MYO18B: variants seen among roughly 807,000 people sequenced by gnomAD.
MYO18B encodes the protein myosin XVIIIB, also known as unconventional myosin-XVIIIb.
Under a neutral mutation model 273.0 loss-of-function variants are expected in MYO18B, and 204 were observed. That is an observed-to-expected ratio of 0.75 (90% CI 0.67 to 0.84). MYO18B has a LOEUF of 0.84. Ranked by LOEUF, MYO18B falls within the 40% of genes least tolerant of loss-of-function variation. The pLI, the probability that MYO18B is intolerant of heterozygous loss-of-function variation, is 0.00. For missense variants in MYO18B, 3,212 were observed against 3,287.6 expected (o/e 0.98, Z 0.56); for synonymous variants, 1,330 against 1,305.7 (o/e 1.02, Z -0.40).
chr22:25,919,783 C>T (rs80051947), intron 33 of MYO18B, among the ~76,000 whole-genome samples: 3,183 of 152,028 alleles, frequency 0.021, 111 homozygotes, highest in African/African-American at 0.071. Flanking sequence ...AGAACCAACT[C>T]GTTTTTCAAA....
intron 42 of MYO18B, among the ~76,000 whole-genome samples, chr22:26,016,632 A>G (rs1278248499): frequency 6.6e-6 from 1 of 152,164 alleles, no homozygotes; most frequent in African/African-American, 2.4e-5. Flanking sequence ...ACAATCCCCC[A>G]TCTTTCTGTT....
Position 25,755,425 on chromosome 22 carries a change from T to G in MYO18B, c.-109-5559T>G, listed in dbSNP as rs1271217453. 3.3e-5 allele frequency among the ~76,000 whole-genome samples: 5 copies of G among 152,192 alleles called. No homozygotes were observed. The East Asian group carries it at 9.6e-4, about 29-fold the overall frequency. ...TTCTCCATGTTGGTCAGTCTGGTCT[T>G]GAACTCCTGACCTCAGGTGATCCGC... On this transcript the variant is annotated intron_variant, in intron 1 of 43. Transcript: ENST00000335473.
the MYO18B span, among the ~76,000 whole-genome samples, chr22:26,061,026 C>CAA: frequency 1.3e-5 from 2 of 150,382 alleles, no homozygotes; most frequent in African/African-American, 4.9e-5. Context: ...CACACACACA[C>CAA]AATTCAGTCA....
At chr22:25,937,298 G>A (rs751319475) in intron 34 of MYO18B, among the ~76,000 whole-genome samples, 13 of 152,048 alleles carry the variant, frequency 8.5e-5, no homozygotes, top group Non-Finnish European at 1.6e-4. Flanking sequence ...TGCCCAGGCT[G>A]ATCTCAAACT....
intron 1 of MYO18B, among the ~76,000 whole-genome samples, chr22:25,758,317 GT>G (rs133870): frequency 0.02 from 2,749 of 140,898 alleles, 21 homozygotes; most frequent in East Asian, 0.026. Context: ...TGGCAGGAAA[GT>G]TTTTTTTTTT....
intron 39 of MYO18B, among the ~76,000 whole-genome samples, chr22:25,969,614 A>G (rs1250504618): frequency 1.3e-5 from 2 of 152,212 alleles, no homozygotes; most frequent in African/African-American, 4.8e-5. Context: ...AGAAAAAAAA[A>G]TCACTTACCT....
At chr22:25,996,177 C>T (rs561006102) in intron 40 of MYO18B, among the ~76,000 whole-genome samples, 7 of 152,280 alleles carry the variant, frequency 4.6e-5, no homozygotes, top group East Asian at 1.9e-4. Flanking sequence ...TCTGAGCCTC[C>T]GTCTCTTTGA....
At chr22:25,943,312 C>T (rs148491577) in intron 34 of MYO18B, among the ~76,000 whole-genome samples, 42 of 152,288 alleles carry the variant, frequency 2.8e-4, no homozygotes, top group African/African-American at 8.7e-4. Context: ...CCTTCCACCC[C>T]GGCTGGAGCA....
intron 33 of MYO18B, among the ~76,000 whole-genome samples, chr22:25,914,669 TAAG>T (rs991735563): frequency 7.6e-6 from 1 of 132,398 alleles, no homozygotes; most frequent in African/African-American, 2.8e-5. Flanking sequence ...CATTTGAAAA[TAAG>T]AATAGTTTTG....
At chr22:25,830,781 A>G (rs12166240) in intron 15 of MYO18B, among the ~76,000 whole-genome samples, 40,437 of 152,114 alleles carry the variant, frequency 0.27, 6,579 homozygotes, top group Non-Finnish European at 0.35. Context: ...AACAGGCTCC[A>G]CTTCTTGATG....
intron 1 of MYO18B, among the ~76,000 whole-genome samples, chr22:25,759,497 C>T (rs1214191997): frequency 6.6e-6 from 1 of 151,268 alleles, no homozygotes; most frequent in Non-Finnish European, 1.5e-5. Context: ...GGGAGGGGAA[C>T]ATCACACACT....
intron 11 of MYO18B, among the ~76,000 whole-genome samples, chr22:25,795,295 C>G (rs994153852): frequency 6.6e-6 from 1 of 152,180 alleles, no homozygotes; most frequent in African/African-American, 2.4e-5. Context: ...AATTGGCTCT[C>G]TGGAAATTTA....
In MYO18B at chr22:25,902,746, G is replaced by A. The variant is rs746169859; in HGVS notation, c.4947+10G>A. The A allele has an allele frequency of 1.3e-6, 2 of 1,572,390 alleles. No individual in the cohort carries two copies. The highest frequency in any genetic ancestry group is 8.6e-7 in the Non-Finnish European group (1 of 1,158,108). Reference sequence around the variant, plus strand: ...TCAGCAGCAGCTGAAGGTAAGGGATGGGGGACACAGAGCTATCTTGGCTCT... The same window carrying A: ...TCAGCAGCAGCTGAAGGTAAGGGATAGGGGACACAGAGCTATCTTGGCTCT... On this transcript the variant is annotated intron_variant, in intron 30 of 43. Coordinates refer to ENST00000335473, the MANE Select transcript of MYO18B (RefSeq NM_032608.7).
rs555461086 is a variant in MYO18B at position 25,744,935 on chromosome 22, TG to T, written c.-110+2645del. 5.4e-3 allele frequency among the ~76,000 whole-genome samples: 818 copies of T among 152,016 alleles called. 5 individuals carry two copies. Among genetic ancestry groups the T allele is most frequent in the Non-Finnish European group, 9.5e-3 (647 of 67,974 alleles). On this transcript the variant is annotated intron_variant, in intron 1 of 43. Coordinates refer to ENST00000335473, the MANE Select transcript of MYO18B (RefSeq NM_032608.7). Reference sequence around the variant, plus strand: ...ACACACAGCCCTGCAGCAAGAGCATTGGGCCAAGATCAGCCCCTGCTGTCAC... The same window carrying T: ...ACACACAGCCCTGCAGCAAGAGCATTGGCCAAGATCAGCCCCTGCTGTCAC...
At chr22:25,875,507 C>CT (rs967541420) in intron 23 of MYO18B, among the ~76,000 whole-genome samples, 13 of 136,338 alleles carry the variant, frequency 9.5e-5, no homozygotes, top group Admixed American at 6.9e-4. Context: ...TGTTCTGGTC[C>CT]CCCCCCCAGT....
At chr22:25,856,373 G>A (rs1225752621) in intron 21 of MYO18B, among the ~76,000 whole-genome samples, 3 of 152,280 alleles carry the variant, frequency 2.0e-5, no homozygotes, top group South Asian at 4.1e-4. Context: ...AGTGCAGTTC[G>A]TTACAGGACA....
chr22:25,863,332 A>G lies in MYO18B; in HGVS notation c.3886-4988A>G, dbSNP rs114835063. Reference sequence around the variant, plus strand: ...AAGTCCAAATTCTGAACCCACAAAGATACTTTCTACTGTTTCCCCTCACCC... The same window carrying G: ...AAGTCCAAATTCTGAACCCACAAAGGTACTTTCTACTGTTTCCCCTCACCC... On this transcript the variant is annotated intron_variant, in intron 21 of 43. Coordinates refer to ENST00000335473, the MANE Select transcript of MYO18B (RefSeq NM_032608.7). Among the ~76,000 whole-genome samples the G allele has an allele frequency of 9.6e-3, 1,457 of 152,296 alleles. 30 individuals are homozygous for G. The highest frequency in any genetic ancestry group is 0.032 in the African/African-American group (1,339 of 41,568).
rs767778280 is a variant in MYO18B at position 25,823,632 on chromosome 22, G to T, written c.2649G>T (p.Thr883=). Residue 883 remains threonine, a synonymous_variant, in exon 13 of 44, where the codon ACG becomes ACT. Coordinates refer to ENST00000335473, the MANE Select transcript of MYO18B (RefSeq NM_032608.7). ...TTCGACAGATCATCCAGCAAATGACGTTTGGGCCAAGCCGATGGGGCCTCG... is the reference window on the plus strand; with the variant it reads ...TTCGACAGATCATCCAGCAAATGACTTTTGGGCCAAGCCGATGGGGCCTCG... ...HHLRQIIQQM[T]FGPSRWGLED... The T allele has an allele frequency of 6.2e-7, 1 of 1,613,952 alleles. No individual in the cohort carries two copies. Among genetic ancestry groups the T allele is most frequent in the Admixed American group, 1.7e-5 (1 of 60,018 alleles).
chr22:25,883,527 A>G lies in MYO18B; in HGVS notation c.4314+5479A>G, dbSNP rs1324832879. The G allele has an allele frequency of 6.6e-6, 1 of 152,206 alleles. No homozygotes were observed. Among genetic ancestry groups the G allele is most frequent in the African/African-American group, 2.4e-5 (1 of 41,442 alleles). The allele number at this position is 152,206 out of a possible 1,614,324, so 9.4% of individuals were successfully genotyped here. ...CTAAAGGTGCCTGTCCTGGGACCAC[A>G]CTTTGAGACACATTAGGCCAGAGAA... is the stretch of plus-strand genomic sequence containing the variant. On this transcript the variant is annotated intron_variant, in intron 25 of 43. Coordinates refer to ENST00000335473, the MANE Select transcript of MYO18B (RefSeq NM_032608.7). This position sits in a 1 kb window ranked among gnomAD's most constrained non-coding sequence, Gnocchi z 7.6.
Sources: allele counts gnomAD v4.1 joint callset (sites outside exome capture counted in the v4.1 genomes callset), GRCh38; gene constraint gnomAD v4.1.1; non-coding constraint Gnocchi (gnomAD v3.1); transcripts MANE v1.5; gene names NCBI Gene and HGNC (gene_info 2026-07-23, HGNC 2026-07-21).